MKRN2OS: variants seen among roughly 807,000 people sequenced by gnomAD.
MKRN2OS encodes the protein MKRN2 opposite strand protein.
In MKRN2OS, 17 loss-of-function variants were observed where a neutral mutation model predicts 18.2. That is an observed-to-expected ratio of 0.93 (90% CI 0.64 to 1.40). The LOEUF (loss-of-function observed/expected upper bound fraction) is 1.40. Among genes scored for constraint, MKRN2OS ranks in the 40% most tolerant of loss-of-function variants. The pLI is 0.00. For synonymous variants in MKRN2OS, 121 were observed against 108.5 expected, an observed-to-expected ratio of 1.12 and a Z score of -0.72; for missense variants, 337 against 283.0, an observed-to-expected ratio of 1.19 and a Z score of -1.37.
At chr3:12,554,733 A>G (rs2057954188) in intron 1 of MKRN2OS, among the ~76,000 whole-genome samples, 1 of 152,162 alleles carries the variant, frequency 6.6e-6, no homozygotes, top group South Asian at 2.1e-4. Context: ...TACGCTGTGC[A>G]GAACAGTACG....
At position 12,542,734 on chromosome 3, in the gene MKRN2OS, A is replaced by C. The variant is rs1164345682; in HGVS notation, c.268+446T>G. Among the ~76,000 whole-genome samples the C allele has an allele frequency of 4.0e-5, 6 of 149,864 alleles. No homozygotes were observed. The East Asian group carries it at 9.7e-4, about 24-fold the overall frequency. On this transcript the variant is annotated intron_variant, in intron 2 of 3. Coordinates refer to ENST00000564146, the MANE Select transcript of MKRN2OS (RefSeq NM_001195279.2). The stretch of plus-strand genomic sequence containing the variant: ...CTTAAAAAAAAAAAAAAAAAAAAAA[A>C]CACTGCAGGCCCCACCACATCCTGC...
downstream of MKRN2OS, among the ~76,000 whole-genome samples, chr3:12,552,391 ATTTTAATTTTTTTTAAT>A (rs2057935872): frequency 6.7e-6 from 1 of 149,092 alleles, no homozygotes; most frequent in Non-Finnish European, 1.5e-5. Context: ...GCAATTAGAT[ATTTTAATTTTTTTTAAT>A]TTTTAATTTT....
chr3:12,548,735 A>C (rs1210998842), upstream of MKRN2OS, among the ~76,000 whole-genome samples: 1 of 152,182 alleles, frequency 6.6e-6, no homozygotes, highest in Admixed American at 6.5e-5. Context: ...CAACACCAAG[A>C]GGTATTGTTA....
At position 12,540,366 on chromosome 3, in the gene MKRN2OS, C is replaced by G; in HGVS notation, c.499G>C (p.Glu167Gln). The stretch of plus-strand genomic sequence containing the variant: ...CCCTTGTCCAGTTGCTGTCTACCTT[C>G]TGCCATCAGAACGCAGTTAATGAAC... ...LTFINCVLMA[E>Q]GRQQLDKGEF... is the part of the protein sequence containing the mutation. The change falls in exon 4 of 4, where the codon GAA becomes CAA. Residue 167 changes from glutamate (E) to glutamine (Q), a missense_variant. Coordinates refer to ENST00000564146, the MANE Select transcript of MKRN2OS (RefSeq NM_001195279.2). The G allele has an allele frequency of 6.5e-7, 1 of 1,536,138 alleles. No homozygotes were observed. Among genetic ancestry groups the G allele is most frequent in the East Asian group, 2.4e-5 (1 of 40,928 alleles).
At chr3:12,546,310 A>T (rs976911453), upstream of MKRN2OS, among the ~76,000 whole-genome samples, 2 of 152,096 alleles carry the variant, frequency 1.3e-5, no homozygotes, top group East Asian at 1.9e-4. Flanking sequence ...GGATTTTTTT[A>T]AAAAGTTAAC....
At chr3:12,549,532 C>T (rs1229757424), upstream of MKRN2OS, among the ~76,000 whole-genome samples, 2 of 125,204 alleles carry the variant, frequency 1.6e-5, no homozygotes, top group African/African-American at 3.6e-5. Context: ...TGTGAGCCAC[C>T]ACACCCAGCC....
exon 1 of MKRN2OS, chr3:12,560,900 C>G (rs534926574): frequency 1.3e-5 from 2 of 152,292 alleles, no homozygotes; most frequent in Admixed American, 6.5e-5. Context: ...CATTACAAAG[C>G]GCAACATGAA....
downstream of MKRN2OS, among the ~76,000 whole-genome samples, chr3:12,551,174 C>T (rs1307660813): frequency 6.7e-6 from 1 of 150,134 alleles, no homozygotes; most frequent in Non-Finnish European, 1.5e-5. Flanking sequence ...CACCACCACC[C>T]CTCTGTCATT....
At position 12,540,169 on chromosome 3, in the gene MKRN2OS, G is replaced by T; in HGVS notation, c.*24C>A. On this transcript the variant is annotated 3_prime_UTR_variant, in exon 4 of 4. Transcript: ENST00000564146. ...GGTAGCAACCACCCTACCCTCCAGC[G>T]TCCAGGCTGCGCTTACATAGCTCTC... 6.5e-7 allele frequency: 1 copy of T among 1,535,954 alleles called. No homozygotes were observed. The highest frequency in any genetic ancestry group is 2.4e-5 in the East Asian group (1 of 40,910).
Position 12,539,835 on chromosome 3 carries a change from G to T in MKRN2OS, c.*358C>A. The T allele has an allele frequency of 1.4e-5, 3 of 221,452 alleles. No homozygotes were observed. Among genetic ancestry groups the T allele is most frequent in the East Asian group, 9.6e-5 (1 of 10,466 alleles). The allele number at this position is 221,452 out of a possible 1,614,324, so 13.7% of individuals were successfully genotyped here. On this transcript the variant is annotated 3_prime_UTR_variant, in exon 4 of 4. Coordinates refer to ENST00000564146, the MANE Select transcript of MKRN2OS (RefSeq NM_001195279.2). Reference sequence around the variant, plus strand: ...AGTTTCACTCTTGTTGCCCAGGCTGGAGTGCAATGGCACGATCTCAACTCA... The same window carrying T: ...AGTTTCACTCTTGTTGCCCAGGCTGTAGTGCAATGGCACGATCTCAACTCA...
upstream of MKRN2OS, among the ~76,000 whole-genome samples, chr3:12,546,710 TG>T (rs1311841690): frequency 2.0e-5 from 3 of 151,190 alleles, no homozygotes; most frequent in Admixed American, 6.6e-5. Flanking sequence ...CCTGAGTAGC[TG>T]GGATTACAGG....
chr3:12,557,643 A>G (rs1338228820), intron 1 of MKRN2OS, among the ~76,000 whole-genome samples: 1 of 152,282 alleles, frequency 6.6e-6, no homozygotes, highest in African/African-American at 2.4e-5. Flanking sequence ...CTAAACTTGC[A>G]GAGAGTTAAC....
intron 3 of MKRN2OS, among the ~76,000 whole-genome samples, chr3:12,540,963 A>G (rs2057799236): frequency 6.6e-6 from 1 of 150,546 alleles, no homozygotes; most frequent in Non-Finnish European, 1.5e-5. Context: ...GCATAGACTC[A>G]CCCAGATGTT....
intron 1 of MKRN2OS, among the ~76,000 whole-genome samples, chr3:12,557,987 T>A (rs144546560): frequency 6.6e-6 from 1 of 152,362 alleles, no homozygotes; most frequent in East Asian, 1.9e-4. Context: ...AGCTTGTGGC[T>A]TACTGGTAAT....
downstream of MKRN2OS, among the ~76,000 whole-genome samples, chr3:12,552,413 A>G (rs1317706454): frequency 3.4e-5 from 4 of 118,052 alleles, no homozygotes; most frequent in Non-Finnish European, 5.1e-5. Flanking sequence ...TTTAATTTTT[A>G]ATTTTTTTTT....
chr3:12,556,564 G>A (rs189372360), intron 1 of MKRN2OS, among the ~76,000 whole-genome samples: 5 of 152,188 alleles, frequency 3.3e-5, no homozygotes, highest in African/African-American at 1.2e-4. Flanking sequence ...AAGACTGGCA[G>A]GAAAGAAAAT....
chr3:12,542,711 TAAAAA>T (rs544900301), intron 2 of MKRN2OS, among the ~76,000 whole-genome samples: 4 of 109,072 alleles, frequency 3.7e-5, no homozygotes, highest in African/African-American at 1.6e-4. Flanking sequence ...TCACTTTCCT[TAAAAA>T]AAAAAAAAAA....
downstream of MKRN2OS, chr3:12,553,754 G>T (rs1264678406): frequency 6.6e-6 from 1 of 152,194 alleles, no homozygotes; most frequent in Non-Finnish European, 1.5e-5. Context: ...TGGCGTGATT[G>T]TGTATAGAAA....
chr3:12,560,375 C>G (rs2058026218), intron 1 of MKRN2OS, among the ~76,000 whole-genome samples: 1 of 151,786 alleles, frequency 6.6e-6, no homozygotes. Flanking sequence ...TTATTGCAAG[C>G]CTGCCACAGT....
Sources: gnomAD v4.1 joint callset for allele counts (sites outside exome capture counted in the v4.1 genomes callset) on GRCh38, gnomAD v4.1.1 for gene constraint, MANE v1.5 for transcripts, NCBI Gene and HGNC (gene_info 2026-07-23, HGNC 2026-07-21) for gene names.